Variants in ASB2 observed in about 807,000 individuals in gnomAD.
The protein encoded by ASB2 is ankyrin repeat and SOCS box protein 2.
In ASB2, 58 loss-of-function variants were observed where a neutral mutation model predicts 62.4. That is an observed-to-expected ratio of 0.93 (90% CI 0.75 to 1.16). The LOEUF is 1.16. Among genes scored for constraint, ASB2 ranks in the 50% most tolerant of loss-of-function variants. The pLI, the probability that ASB2 is intolerant of heterozygous loss-of-function variation, is 0.00. For missense variants in ASB2, 928 were observed against 887.9 expected, an observed-to-expected ratio of 1.05 and a Z score of -0.57; for synonymous variants, 386 against 385.3, an observed-to-expected ratio of 1.00 and a Z score of -0.02.
chr14:93,970,878 AATT>A (rs1291276290), intron 1 of ASB2, among the ~76,000 whole-genome samples: 1 of 152,188 alleles, frequency 6.6e-6, no homozygotes, highest in East Asian at 1.9e-4. Context: ...TGTCAGGTGA[AATT>A]AGGTGACAGG....
chr14:93,936,543 T>A (rs929496539), intron 9 of ASB2, among the ~76,000 whole-genome samples: 3 of 152,342 alleles, frequency 2.0e-5, no homozygotes, highest in South Asian at 4.1e-4. Context: ...CCTGAGTGAA[T>A]GGGCAAGCTG....
intron 1 of ASB2, among the ~76,000 whole-genome samples, chr14:93,967,304 G>A (rs1889623609): frequency 6.6e-6 from 1 of 152,032 alleles, no homozygotes; most frequent in Non-Finnish European, 1.5e-5. Flanking sequence ...TTCAGTGGCG[G>A]GGGGAAGGGG....
At chr14:93,961,069 A>AGTCT (rs1889394165) in intron 2 of ASB2, among the ~76,000 whole-genome samples, 1 of 152,186 alleles carries the variant, frequency 6.6e-6, no homozygotes, top group Admixed American at 6.5e-5. Flanking sequence ...AGGAAGACCC[A>AGTCT]AGAAGCTTGT....
chr14:93,961,277 G>A (rs1889401179), intron 2 of ASB2, among the ~76,000 whole-genome samples: 1 of 152,244 alleles, frequency 6.6e-6, no homozygotes, highest in African/African-American at 2.4e-5. Context: ...CTCAGATAGG[G>A]TTAGCCACCC....
chr14:93,964,474 G>A lies in ASB2; in HGVS notation c.66C>T (p.Tyr22=), dbSNP rs1406073931. The change falls in exon 2 of 10, where the codon TAC becomes TAT. Residue 22 remains tyrosine, a synonymous_variant. Transcript: ENST00000555019. The part of the protein sequence containing the change: ...CTIGQEEYSL[Y]SSLSEDELVQ... Reference sequence around the variant, plus strand: ...CCAGTTCATCCTCGCTCAGGCTGCTGTACAGGCTGTACTCCTCCTGCCCAA... The same window carrying A: ...CCAGTTCATCCTCGCTCAGGCTGCTATACAGGCTGTACTCCTCCTGCCCAA... 6 of 1,535,958 alleles carry A rather than the reference G, an allele frequency of 3.9e-6. No homozygotes were observed. The highest frequency in any genetic ancestry group is 4.4e-6 in the Non-Finnish European group (5 of 1,146,906).
intron 2 of ASB2, chr14:93,957,091 T>C (rs1486297581): frequency 7.0e-7 from 1 of 1,433,978 alleles, no homozygotes; most frequent in Non-Finnish European, 9.1e-7. Flanking sequence ...CCTGGGAGAT[T>C]TAAATGACCA....
At position 93,947,619 on chromosome 14, in the gene ASB2, G is replaced by C. The variant is rs990273141; in HGVS notation, c.881-99C>G. On this transcript the variant is annotated intron_variant, in intron 6 of 9. Coordinates refer to ENST00000555019, the MANE Select transcript of ASB2 (RefSeq NM_001202429.2). Reference sequence around the variant, plus strand: ...TGGTGGGCCTGCTGTGCTAACCACGGTAATGCACGGGACCTTTAACAACGA... The same window carrying C: ...TGGTGGGCCTGCTGTGCTAACCACGCTAATGCACGGGACCTTTAACAACGA... The C allele has an allele frequency of 9.1e-6, 11 of 1,214,292 alleles. No homozygotes were observed. In the Admixed American group the frequency reaches 1.7e-4, roughly 19 times the overall value. 75.2% of individuals were successfully genotyped at this position (1,214,292 alleles called of 1,614,324 possible). A position where few individuals can be genotyped will look rare whatever the true frequency, so the allele number is the denominator to read the frequency against.
chr14:93,942,306 C>T, intron 7 of ASB2: 1 of 455,836 alleles, frequency 2.2e-6, no homozygotes, highest in South Asian at 1.5e-5. Flanking sequence ...GAATGGCCCC[C>T]TACCCCTTCC....
intron 2 of ASB2, among the ~76,000 whole-genome samples, chr14:93,961,937 C>A (rs935301785): frequency 3.3e-5 from 5 of 152,058 alleles, no homozygotes; most frequent in Admixed American, 3.3e-4. Context: ...GCGGGACAGA[C>A]TTTGGTTCCA....
At chr14:93,968,624 AT>A (rs1889664135) in intron 1 of ASB2, among the ~76,000 whole-genome samples, 1 of 152,160 alleles carries the variant, frequency 6.6e-6, no homozygotes, top group Admixed American at 6.5e-5. Flanking sequence ...CCTGGCCTAT[AT>A]CTGTGCCCTG....
rs1331652428 is a variant in ASB2 at position 93,934,730 on chromosome 14, G to A, written c.1834C>T (p.Arg612Cys). Reference protein sequence around the residue: ...LRVRKAIGKYRIKLLDTLPLP... With the variant: ...LRVRKAIGKYCIKLLDTLPLP... The stretch of plus-strand genomic sequence containing the variant: ...GGCAAGGTGTCTAGGAGTTTTATAC[G>A]GTATTTCCCAATGGCCTTTCGAACC... Residue 612 changes from arginine to cysteine, a missense_variant, in exon 10 of 10, where the codon CGT becomes TGT. By Grantham distance (180) the Arg-to-Cys change is radical (BLOSUM62 -3). Transcript: ENST00000555019. 1.4e-5 allele frequency: 22 copies of A among 1,613,552 alleles called. No homozygotes were observed. The highest frequency in any genetic ancestry group is 1.7e-5 in the Non-Finnish European group (20 of 1,179,472).
At position 93,934,577 on chromosome 14, in the gene ASB2, C is replaced by T. The variant is rs1888201286; in HGVS notation, c.*79G>A. On this transcript the variant is annotated 3_prime_UTR_variant, in exon 10 of 10. Transcript: ENST00000555019. ...GCAGCCTCGTCTGTCACCAGGTCCC[C>T]TTGGAGTTGGGAACACCGACGTCCT... 6.7e-7 allele frequency: 1 copy of T among 1,488,232 alleles called. No individual in the cohort carries two copies. Among genetic ancestry groups the T allele is most frequent in the Non-Finnish European group, 9.3e-7 (1 of 1,077,512 alleles). 92.2% of individuals were successfully genotyped at this position (1,488,232 alleles called of 1,614,324 possible). A position where few individuals can be genotyped will look rare whatever the true frequency, so the allele number is the denominator to read the frequency against.
At chr14:93,963,756 T>G (rs1377399373) in intron 2 of ASB2, among the ~76,000 whole-genome samples, 1 of 152,256 alleles carries the variant, frequency 6.6e-6, no homozygotes, top group Non-Finnish European at 1.5e-5. Context: ...AAAATTAATT[T>G]CACCTGTTTC....
At chr14:93,946,459 T>C (rs990870736) in intron 7 of ASB2, among the ~76,000 whole-genome samples, 25 of 152,254 alleles carry the variant, frequency 1.6e-4, no homozygotes, top group African/African-American at 6.0e-4. Context: ...GAAAGGACTC[T>C]GGTTTGTAGC....
Position 93,939,453 on chromosome 14 carries a change from C to T in ASB2, c.1272G>A (p.Val424=), listed in dbSNP as rs1366476528. 4.3e-6 allele frequency: 7 copies of T among 1,612,528 alleles called. No individual in the cohort carries two copies. Among genetic ancestry groups the T allele is most frequent in the Non-Finnish European group, 5.9e-6 (7 of 1,179,784 alleles). The change falls in exon 8 of 10, where the codon GTG becomes GTA. Residue 424 remains valine, a synonymous_variant. Transcript: ENST00000555019. ...ALYFAVVNNN[V]YATELLLQHG... The stretch of plus-strand genomic sequence containing the variant: ...GTTGCAGCAGCAGCTCGGTGGCGTA[C>T]ACGTTGTTGTTGACCACCGCGAAGT...
chr14:93,957,105 A>G (rs1005656016), intron 2 of ASB2: 5 of 1,418,810 alleles, frequency 3.5e-6, no homozygotes, highest in Middle Eastern at 2.3e-4. Context: ...ATGACCATAT[A>G]AGACAACAAT....
At chr14:93,955,253 TTGGGCTAGGA>T in intron 3 of ASB2, 1 of 442,790 alleles carries the variant, frequency 2.3e-6, no homozygotes, top group South Asian at 1.6e-5. Flanking sequence ...CCACGCCATG[TTGGGCTAGGA>T]TGGGCTCTGG....
At chr14:93,969,667 C>G (rs147570279) in intron 1 of ASB2, among the ~76,000 whole-genome samples, 1 of 152,168 alleles carries the variant, frequency 6.6e-6, no homozygotes, top group East Asian at 1.9e-4. Context: ...AAGCAGGAGT[C>G]TAATAGGCCT....
intron 6 of ASB2, 57 bp downstream of exon 6, chr14:93,950,942 C>T (rs1888930289): frequency 6.4e-7 from 1 of 1,564,768 alleles, no homozygotes; most frequent in African/African-American, 1.4e-5. Context: ...TGACCTCTGA[C>T]ATCCTTCCCG....
Sources: allele counts gnomAD v4.1 joint callset (sites outside exome capture counted in the v4.1 genomes callset), GRCh38; gene constraint gnomAD v4.1.1; transcripts MANE v1.5; gene names NCBI Gene and HGNC (gene_info 2026-07-23, HGNC 2026-07-21).